The following COL25A1 variants were observed in gnomAD, a reference collection of about 807,000 sequenced individuals.
COL25A1 encodes the protein collagen type XXV alpha 1 chain.
In COL25A1, 103 loss-of-function variants were observed where a neutral mutation model predicts 128.4. The observed-to-expected ratio is 0.80, with a 90% CI of 0.68 to 0.94. COL25A1 has a LOEUF of 0.94. COL25A1 is among the 40% of genes least tolerant of loss of function. The pLI, the probability that COL25A1 is intolerant of heterozygous loss-of-function variation, is 0.00. For synonymous variants in COL25A1, 279 were observed against 277.2 expected, an observed-to-expected ratio of 1.01 and a Z score of -0.06; for missense variants, 745 against 840.0, an observed-to-expected ratio of 0.89 and a Z score of 1.40.
chr4:108,858,417 A>C (rs1736769371), intron 24 of COL25A1, among the ~76,000 whole-genome samples: 2 of 152,184 alleles, frequency 1.3e-5, no homozygotes, highest in South Asian at 4.1e-4. Flanking sequence ...TTGAAAAAGG[A>C]AATAGCAGCC....
chr4:108,827,209 T>C, intron 32 of COL25A1, 21 bp from the exon 33 acceptor site: 1 of 1,610,926 alleles, frequency 6.2e-7, no homozygotes, highest in Non-Finnish European at 8.5e-7. Context: ...AAGTAGAAAG[T>C]TCAAATCATA....
At chr4:109,139,670 GT>G (rs1353364071) in intron 3 of COL25A1, among the ~76,000 whole-genome samples, 4 of 151,476 alleles carry the variant, frequency 2.6e-5, no homozygotes, top group Non-Finnish European at 4.4e-5. Context: ...CCTTTTATTA[GT>G]TTTTTTTAAT....
intron 3 of COL25A1, among the ~76,000 whole-genome samples, chr4:109,163,106 C>T (rs6827384): frequency 0.02 from 3,074 of 152,164 alleles, 99 homozygotes; most frequent in South Asian, 0.13. Context: ...TCCGTTTCCC[C>T]CTCACTTCTG....
chr4:109,068,307 T>G (rs889494758), intron 3 of COL25A1, among the ~76,000 whole-genome samples: 2 of 151,904 alleles, frequency 1.3e-5, no homozygotes, highest in Non-Finnish European at 2.9e-5. Flanking sequence ...ACATGAGTAA[T>G]GAGTAAGCAG....
intron 3 of COL25A1, among the ~76,000 whole-genome samples, chr4:109,106,163 A>G (rs1013854807): frequency 6.6e-6 from 1 of 152,088 alleles, no homozygotes; most frequent in African/African-American, 2.4e-5. Flanking sequence ...AGCTATACAA[A>G]TTATCTTTCT....
In COL25A1 at chr4:108,920,590, A is replaced by G; in HGVS notation, c.723T>C (p.Pro241=). The change falls in exon 12 of 38, where the codon CCT becomes CCC. Residue 241 remains proline (P), a synonymous_variant. Transcript: ENST00000399132. ...GTTTATACTCTACCTTTTGTCCCGG[A>G]GGCCCTAGAGGACCCTAAAAAAGAA... The part of the protein sequence containing the change: ...GEQGLMGPLG[P]PGQKGSIGAP... 1 of 1,604,076 alleles carries G rather than the reference A, an allele frequency of 6.2e-7. No individual in the cohort carries two copies. Among genetic ancestry groups the G allele is most frequent in the Admixed American group, 1.7e-5 (1 of 59,196 alleles).
chr4:109,191,116 G>A (rs972253616), intron 3 of COL25A1, among the ~76,000 whole-genome samples: 13 of 152,154 alleles, frequency 8.5e-5, no homozygotes, highest in African/African-American at 3.1e-4. Flanking sequence ...CAGCTTCCTA[G>A]AATAGTACAC....
intron 3 of COL25A1, among the ~76,000 whole-genome samples, chr4:109,229,142 C>A (rs1055986453): frequency 6.7e-6 from 1 of 150,274 alleles, no homozygotes; most frequent in Non-Finnish European, 1.5e-5. Context: ...TTCTGGGGTA[C>A]CCCTCTCCCC....
In COL25A1 at chr4:109,197,483, A is replaced by G. The variant is rs935255974; in HGVS notation, c.367+103100T>C. Reference sequence around the variant, plus strand: ...AAATATTATATATAATATATATTATATATTATATATAAATATATATTATAT... The same window carrying G: ...AAATATTATATATAATATATATTATGTATTATATATAAATATATATTATAT... On this transcript the variant is annotated intron_variant, in intron 3 of 37. Coordinates refer to ENST00000399132, the MANE Select transcript of COL25A1 (RefSeq NM_198721.4). Among the ~76,000 whole-genome samples, 4 of 126,258 alleles carry G rather than the reference A, an allele frequency of 3.2e-5. No homozygotes were observed. In the Admixed American group the frequency reaches 3.9e-4, roughly 12 times the overall value. 82.8% of individuals were successfully genotyped at this position (126,258 alleles called of 152,430 possible).
chr4:109,220,297 T>C (rs1412836217), intron 3 of COL25A1, among the ~76,000 whole-genome samples: 2 of 152,216 alleles, frequency 1.3e-5, no homozygotes, highest in African/African-American at 4.8e-5. Context: ...TTTCTGAACC[T>C]GAAGATTTCT....
intron 8 of COL25A1, among the ~76,000 whole-genome samples, chr4:108,963,172 C>T (rs1304273698): frequency 1.3e-5 from 2 of 152,174 alleles, no homozygotes; most frequent in African/African-American, 2.4e-5. Flanking sequence ...AAATATAATC[C>T]TGCCCTCCAG....
Position 108,813,852 on chromosome 4 carries a change from C to T in COL25A1, c.*75G>A. On this transcript the variant is annotated 3_prime_UTR_variant, in exon 38 of 38. Transcript: ENST00000399132. ...ACATATCTCAGACTTGTAAAATCTG[C>T]AATTCAGTTTTCAACTATAAATATT... is the stretch of plus-strand genomic sequence containing the variant. 1 of 1,148,180 alleles carries T rather than the reference C, an allele frequency of 8.7e-7. No homozygotes were observed. 71.1% of individuals were successfully genotyped at this position (1,148,180 alleles called of 1,614,324 possible). A position where few individuals can be genotyped will look rare whatever the true frequency, so the allele number is the denominator to read the frequency against.
At chr4:109,139,651 C>T (rs559653471) in intron 3 of COL25A1, among the ~76,000 whole-genome samples, 1 of 151,834 alleles carries the variant, frequency 6.6e-6, no homozygotes, top group East Asian at 1.9e-4. Context: ...GCGTTATTTC[C>T]TTCCCCCACC....
intron 3 of COL25A1, among the ~76,000 whole-genome samples, chr4:109,205,056 T>C (rs1024907424): frequency 5.9e-5 from 9 of 152,196 alleles, no homozygotes; most frequent in African/African-American, 1.9e-4. Flanking sequence ...GTTGAACTTA[T>C]CTTTGCCCTT....
intron 24 of COL25A1, among the ~76,000 whole-genome samples, chr4:108,856,176 C>T (rs1168756169): frequency 2.6e-5 from 4 of 152,102 alleles, no homozygotes; most frequent in South Asian, 2.1e-4. Context: ...AACTCGCCCA[C>T]GATTCATACT....
chr4:108,997,459 C>A (rs1271497225), intron 6 of COL25A1, among the ~76,000 whole-genome samples: 1 of 152,076 alleles, frequency 6.6e-6, no homozygotes, highest in African/African-American at 2.4e-5. Context: ...CAATAACAGG[C>A]TCTGAAATTG....
intron 3 of COL25A1, among the ~76,000 whole-genome samples, chr4:109,251,967 G>A (rs1028013152): frequency 2.0e-5 from 3 of 152,232 alleles, no homozygotes; most frequent in African/African-American, 4.8e-5. Flanking sequence ...CACCTTTCAA[G>A]CCAGCAGCTT....
intron 3 of COL25A1, among the ~76,000 whole-genome samples, chr4:109,067,619 T>G (rs938689746): frequency 2.6e-5 from 4 of 152,324 alleles, no homozygotes; most frequent in Non-Finnish European, 5.9e-5. Flanking sequence ...AAGAATATAT[T>G]CTCCATCTCC....
At chr4:109,015,471 A>G (rs1212428948) in intron 5 of COL25A1, among the ~76,000 whole-genome samples, 1 of 152,242 alleles carries the variant, frequency 6.6e-6, no homozygotes, top group Non-Finnish European at 1.5e-5. Flanking sequence ...TGCTTCATAA[A>G]TAAAAACCTG....
Sources: gnomAD v4.1 joint callset for allele counts (sites outside exome capture counted in the v4.1 genomes callset) on GRCh38, gnomAD v4.1.1 for gene constraint, MANE v1.5 for transcripts, NCBI Gene and HGNC (gene_info 2026-07-23, HGNC 2026-07-21) for gene names.